The following CPXM2 variants were observed in gnomAD, a reference collection of about 807,000 sequenced individuals.
CPXM2 encodes the protein carboxypeptidase X, M14 family member 2.
Under a neutral mutation model 86.1 loss-of-function variants are expected in CPXM2, and 66 were observed. That is an observed-to-expected ratio of 0.77 (90% confidence interval 0.63 to 0.94). CPXM2 has a LOEUF of 0.94. Ranked by LOEUF, CPXM2 falls within the 40% of genes least tolerant of loss-of-function variation. The pLI is 0.00. For synonymous variants in CPXM2, 388 were observed against 400.2 expected, an observed-to-expected ratio of 0.97 and a Z score of 0.36; for missense variants, 948 against 1,026.3, an observed-to-expected ratio of 0.92 and a Z score of 1.04.
At position 123,900,185 on chromosome 10, in the gene CPXM2, G is replaced by A. The variant is rs113299138; in HGVS notation, n.175-19876C>T. ...GCTTCCCTAGTAGTTGGGATTACAG[G>A]AACCTGCCACCATGCCCAGAAAATT... On this transcript the variant is annotated intron_variant and non_coding_transcript_variant, in intron 2 of 19. Transcript: ENST00000368854. 4.6e-3 allele frequency among the ~76,000 whole-genome samples: 694 copies of A among 152,292 alleles called. 2 individuals are homozygous for A. Among genetic ancestry groups the A allele is most frequent in the Non-Finnish European group, 8.0e-3 (545 of 68,032 alleles).
intron 1 of CPXM2, among the ~76,000 whole-genome samples, chr10:123,890,779 G>A (rs1945252701): frequency 6.6e-6 from 1 of 152,198 alleles, no homozygotes; most frequent in Non-Finnish European, 1.5e-5. Flanking sequence ...CGGAGTCCAG[G>A]CTGCAGCAGA....
At chr10:123,928,684 G>A (rs72829752) in intron 2 of CPXM2, among the ~76,000 whole-genome samples, 699 of 152,302 alleles carry the variant, frequency 4.6e-3, no homozygotes, top group Admixed American at 8.1e-3. Context: ...GGGTGTTCCC[G>A]CTAACAGCCC....
At chr10:123,832,644 T>C (rs1292798262) in intron 4 of CPXM2, among the ~76,000 whole-genome samples, 1 of 151,886 alleles carries the variant, frequency 6.6e-6, no homozygotes, top group Non-Finnish European at 1.5e-5. Flanking sequence ...CTGACCAACA[T>C]GGCGAAACCC....
At chr10:123,877,950 C>G (rs536140243) in intron 2 of CPXM2, among the ~76,000 whole-genome samples, 2 of 152,142 alleles carry the variant, frequency 1.3e-5, no homozygotes, top group Non-Finnish European at 2.9e-5. Flanking sequence ...CTGTACTGCC[C>G]CCCGCCTTGC....
intron 6 of CPXM2, among the ~76,000 whole-genome samples, chr10:123,797,042 G>A (rs975967813): frequency 6.6e-6 from 1 of 152,262 alleles, no homozygotes; most frequent in African/African-American, 2.4e-5. Flanking sequence ...TGCCTGAAAG[G>A]CTGAGACAGA....
intron 10 of CPXM2, among the ~76,000 whole-genome samples, chr10:123,765,591 A>G (rs1017829158): frequency 2.0e-5 from 3 of 152,228 alleles, no homozygotes; most frequent in Non-Finnish European, 4.4e-5. Flanking sequence ...TGAACAAAAA[A>G]CAACTAAAAC....
At chr10:123,881,027 G>A (rs573602132) in intron 1 of CPXM2, among the ~76,000 whole-genome samples, 1 of 151,512 alleles carries the variant, frequency 6.6e-6, no homozygotes, top group South Asian at 2.1e-4. Context: ...GTACCTGTGG[G>A]TAAGGATGCT....
At chr10:123,874,708 C>T (rs1944952159) in intron 2 of CPXM2, among the ~76,000 whole-genome samples, 1 of 152,160 alleles carries the variant, frequency 6.6e-6, no homozygotes, top group Admixed American at 6.5e-5. Flanking sequence ...CAGGATAGAT[C>T]ACAGTATGCC....
chr10:123,905,775 G>A (rs761738675), intron 2 of CPXM2, among the ~76,000 whole-genome samples: 6 of 151,818 alleles, frequency 4.0e-5, no homozygotes, highest in Non-Finnish European at 8.8e-5. Context: ...TCTGTTTCTC[G>A]CCTTCCTGCC....
In CPXM2 at chr10:123,770,987, A is replaced by G. The variant is rs1429651881; in HGVS notation, c.1031T>C (p.Ile344Thr). Residue 344 changes from isoleucine to threonine, a missense_variant, in exon 8 of 14, where the codon ATT becomes ACT. Ile to Thr is a moderately conservative substitution (Grantham distance 89). Transcript: ENST00000241305. ...MCPNITRIYN[I>T]GKSHQGLKLY... is the part of the protein sequence containing the mutation. ...CTTCAGGCCCTGGTGGCTTTTTCCAATGTTGTAAATTCTGGTGATATTGGG... is the reference window on the plus strand; with the variant it reads ...CTTCAGGCCCTGGTGGCTTTTTCCAGTGTTGTAAATTCTGGTGATATTGGG... 3 of 1,613,810 alleles carry G rather than the reference A, an allele frequency of 1.9e-6. No homozygotes were observed. Among genetic ancestry groups the G allele is most frequent in the Admixed American group, 1.7e-5 (1 of 60,026 alleles).
intron 4 of CPXM2, among the ~76,000 whole-genome samples, chr10:123,830,868 CTCTCTG>C (rs1564788808): frequency 2.0e-5 from 2 of 97,652 alleles, no homozygotes; most frequent in South Asian, 3.6e-4. Flanking sequence ...CTCTCTCTCT[CTCTCTG>C]TGTGTGTGTG....
At position 123,854,416 on chromosome 10, in the gene CPXM2, A is replaced by T. The variant is rs578013040; in HGVS notation, c.513+8198T>A. ...TATATTATATATATATTATATATAA[A>T]ATATATAATATATATATAATATACT... On this transcript the variant is annotated intron_variant, in intron 3 of 13. Coordinates refer to ENST00000241305, the MANE Select transcript of CPXM2 (RefSeq NM_198148.3). 4.7e-3 allele frequency among the ~76,000 whole-genome samples: 571 copies of T among 120,588 alleles called. 6 individuals are homozygous for T. Among genetic ancestry groups the T allele is most frequent in the African/African-American group, 0.017 (496 of 29,216 alleles). 79.1% of individuals were successfully genotyped at this position (120,588 alleles called of 152,430 possible). A position where few individuals can be genotyped will look rare whatever the true frequency, so the allele number is the denominator to read the frequency against.
At chr10:123,767,497 C>T (rs1589976261) in intron 9 of CPXM2, among the ~76,000 whole-genome samples, 1 of 152,126 alleles carries the variant, frequency 6.6e-6, no homozygotes, top group African/African-American at 2.4e-5. Context: ...CATCAATGGC[C>T]ACCACAGTAA....
chr10:123,935,752 T>C (rs1377521053), intron 2 of CPXM2, among the ~76,000 whole-genome samples: 1 of 151,938 alleles, frequency 6.6e-6, no homozygotes, highest in African/African-American at 2.4e-5. Flanking sequence ...ATCACCATCA[T>C]CATCACCATC....
At chr10:123,911,727 C>G (rs1945489687) in intron 2 of CPXM2, among the ~76,000 whole-genome samples, 1 of 151,832 alleles carries the variant, frequency 6.6e-6, no homozygotes, top group Non-Finnish European at 1.5e-5. Flanking sequence ...ACTGTGATGC[C>G]AAGGCACCCA....
intron 11 of CPXM2, among the ~76,000 whole-genome samples, chr10:123,757,648 A>C (rs1324700445): frequency 1.3e-5 from 2 of 152,248 alleles, no homozygotes; most frequent in African/African-American, 4.8e-5. Flanking sequence ...TACTTTATTA[A>C]AGTAAAAAAG....
At chr10:123,833,682 ATGGCCACTGG>A (rs1848215986) in intron 4 of CPXM2, among the ~76,000 whole-genome samples, 1 of 152,334 alleles carries the variant, frequency 6.6e-6, no homozygotes, top group South Asian at 2.1e-4. Context: ...GAAGGGCAAG[ATGGCCACTGG>A]CCCACCCACC....
intron 3 of CPXM2, among the ~76,000 whole-genome samples, chr10:123,851,701 G>A (rs1848601200): frequency 6.6e-6 from 1 of 151,296 alleles, no homozygotes; most frequent in Non-Finnish European, 1.5e-5. Context: ...CCCGGGAGAT[G>A]GAGGTTGCAG....
At chr10:123,867,068 A>T (rs533516486) in intron 2 of CPXM2, among the ~76,000 whole-genome samples, 1 of 152,312 alleles carries the variant, frequency 6.6e-6, no homozygotes, top group Admixed American at 6.5e-5. Context: ...ATAAAACTAC[A>T]CACTGAGCCA....
Sources: gnomAD v4.1 joint callset for allele counts (sites outside exome capture counted in the v4.1 genomes callset) on GRCh38, gnomAD v4.1.1 for gene constraint, MANE v1.5 for transcripts, NCBI Gene and HGNC (gene_info 2026-07-23, HGNC 2026-07-21) for gene names.